JAZF1: variants seen among roughly 807,000 people sequenced by gnomAD.
JAZF1 encodes JAZF zinc finger 1, also known as juxtaposed with another zinc finger protein 1.
A neutral mutation model predicts 26.4 loss-of-function variants in JAZF1; 8 were observed. The ratio of observed to expected loss-of-function variants is 0.30; its 90% CI spans 0.18 to 0.55. The LOEUF is 0.55. Ranked by LOEUF, JAZF1 falls within the 20% of genes least tolerant of loss-of-function variation. The pLI is 0.94. For synonymous variants in JAZF1, 126 were observed against 122.3 expected, an observed-to-expected ratio of 1.03 and a Z score of -0.20; for missense variants, 199 against 322.0, an observed-to-expected ratio of 0.62 and a Z score of 2.92.
At chr7:28,112,397 T>C (rs996808975) in intron 1 of JAZF1, among the ~76,000 whole-genome samples, 1 of 152,338 alleles carries the variant, frequency 6.6e-6, no homozygotes, top group South Asian at 2.1e-4. Flanking sequence ...ATTTTGAATA[T>C]GCAATATTAC....
intron 1 of JAZF1, among the ~76,000 whole-genome samples, chr7:28,015,342 A>G (rs1296550560): frequency 6.6e-6 from 1 of 152,158 alleles, no homozygotes; most frequent in African/African-American, 2.4e-5. Flanking sequence ...TTAGGGGAAA[A>G]CGAAGAAATC....
At chr7:28,090,192 C>T (rs1011960599) in intron 1 of JAZF1, among the ~76,000 whole-genome samples, 2 of 152,208 alleles carry the variant, frequency 1.3e-5, no homozygotes, top group African/African-American at 4.8e-5. Context: ...CCTACCTCAT[C>T]GGACTATAGT....
chr7:28,051,823 A>G (rs1432574414), intron 1 of JAZF1, among the ~76,000 whole-genome samples: 1 of 152,226 alleles, frequency 6.6e-6, no homozygotes, highest in Non-Finnish European at 1.5e-5. Context: ...AACTCAGAGA[A>G]CAGAAATCAC....
intron 1 of JAZF1, among the ~76,000 whole-genome samples, chr7:28,166,675 C>T (rs1026661426): frequency 6.6e-6 from 1 of 152,192 alleles, no homozygotes; most frequent in Non-Finnish European, 1.5e-5. Context: ...ATTTATCAAA[C>T]ATGGAAGTAT....
rs112011020 is a variant in JAZF1, at chr7:27,929,936, T to TTCTCTCTCTCTC, written c.189-34532_189-34521dup. ...TATCCCTTCCTCCATATTTTCTGCA[T>TTCTCTCTCTCTC]TCTCTCTCTCTCTCTCTCTCTCTCC... On this transcript the variant is annotated intron_variant, in intron 2 of 4. Coordinates refer to ENST00000283928, the MANE Select transcript of JAZF1 (RefSeq NM_175061.4). Among the ~76,000 whole-genome samples, 583 of 144,772 alleles carry TTCTCTCTCTCTC rather than the reference T, an allele frequency of 4.0e-3. 2 individuals carry two copies. The highest frequency in any genetic ancestry group is 0.012 in the African/African-American group (458 of 39,306). 95.0% of individuals were successfully genotyped at this position (144,772 alleles called of 152,430 possible). A position where few individuals can be genotyped will look rare whatever the true frequency, so the allele number is the denominator to read the frequency against.
intron 3 of JAZF1, among the ~76,000 whole-genome samples, chr7:27,888,499 T>C (rs185938577): frequency 7.2e-5 from 11 of 152,316 alleles, no homozygotes; most frequent in Middle Eastern, 3.4e-3. Flanking sequence ...CTCAACTCCA[T>C]TCAGATAGAG....
chr7:28,031,129 A>G (rs1023650371), intron 1 of JAZF1, among the ~76,000 whole-genome samples: 10 of 152,202 alleles, frequency 6.6e-5, no homozygotes, highest in Admixed American at 2.0e-4. Flanking sequence ...AAAGACATCT[A>G]TATCTCAGGT....
intron 3 of JAZF1, among the ~76,000 whole-genome samples, chr7:27,889,992 G>A (rs192766187): frequency 4.4e-4 from 67 of 151,828 alleles, no homozygotes; most frequent in East Asian, 7.7e-4. Context: ...GGATTTTCTC[G>A]TGTAACAAGA....
chr7:27,963,952 A>G (rs948330964), intron 2 of JAZF1, among the ~76,000 whole-genome samples: 1 of 152,196 alleles, frequency 6.6e-6, no homozygotes, highest in Admixed American at 6.5e-5. Flanking sequence ...AATTTCTTCA[A>G]TGAAGAATGA....
intron 1 of JAZF1, among the ~76,000 whole-genome samples, chr7:28,057,124 T>C (rs908899160): frequency 4.6e-5 from 7 of 152,198 alleles, no homozygotes; most frequent in Admixed American, 3.9e-4. Context: ...CAGAAATTAC[T>C]GCACATTAAA....
At position 28,151,804 on chromosome 7, in the gene JAZF1, C is replaced by A. The variant is rs746402607; in HGVS notation, c.115+28659G>T. On this transcript the variant is annotated intron_variant, in intron 1 of 4. Coordinates refer to ENST00000283928, the MANE Select transcript of JAZF1 (RefSeq NM_175061.4). ...GAAATTCCATCTCAAAAAAAAAACACAGAGGATAAAATCTTTTAATTTTTA... is the reference window on the plus strand; with the variant it reads ...GAAATTCCATCTCAAAAAAAAAACAAAGAGGATAAAATCTTTTAATTTTTA... Among the ~76,000 whole-genome samples, 551 of 151,726 alleles carry A rather than the reference C, an allele frequency of 3.6e-3. 2 individuals are homozygous for A. The highest frequency in any genetic ancestry group is 6.0e-3 in the Admixed American group (92 of 15,248).
chr7:28,102,278 C>T (rs1583561008), intron 1 of JAZF1, among the ~76,000 whole-genome samples: 1 of 152,350 alleles, frequency 6.6e-6, no homozygotes, highest in South Asian at 2.1e-4. Flanking sequence ...AGGGCATTTG[C>T]TACAAAAGTG....
At chr7:27,906,916 A>G (rs1469547850) in intron 2 of JAZF1, among the ~76,000 whole-genome samples, 2 of 152,222 alleles carry the variant, frequency 1.3e-5, no homozygotes, top group African/African-American at 4.8e-5. Flanking sequence ...TAAAACTACA[A>G]ATAGCTTTTC....
At chr7:28,129,996 AT>A (rs947387650) in intron 1 of JAZF1, among the ~76,000 whole-genome samples, 11 of 151,810 alleles carry the variant, frequency 7.2e-5, no homozygotes, top group African/African-American at 2.7e-4. Context: ...GGAACTACTG[AT>A]TTTTTTTTAA....
intron 1 of JAZF1, among the ~76,000 whole-genome samples, chr7:28,172,416 T>C (rs1396570852): frequency 6.6e-6 from 1 of 152,260 alleles, no homozygotes; most frequent in Non-Finnish European, 1.5e-5. Flanking sequence ...TTAAATATTC[T>C]TTTTATCAAT....
chr7:27,877,969 T>C (rs1190243471), intron 3 of JAZF1, among the ~76,000 whole-genome samples: 2 of 152,190 alleles, frequency 1.3e-5, no homozygotes, highest in Admixed American at 1.3e-4. Flanking sequence ...AAAGAAGCCA[T>C]ATTTTAAAAA....
rs150394657 is a variant in JAZF1, at chr7:28,029,537, A to G, written c.116-37556T>C. ...TATCCTAAACAGATGTATCACAGAT[A>G]AAAATGGCTACAGAACTTGGTAATA... On this transcript the variant is annotated intron_variant, in intron 1 of 4. Transcript: ENST00000283928. 1.5e-3 allele frequency among the ~76,000 whole-genome samples: 227 copies of G among 152,374 alleles called. 3 individuals are homozygous for G. Among genetic ancestry groups the G allele is most frequent in the African/African-American group, 5.3e-3 (220 of 41,594 alleles).
chr7:27,839,087 A>T (rs1782873623), intron 4 of JAZF1, among the ~76,000 whole-genome samples: 1 of 152,258 alleles, frequency 6.6e-6, no homozygotes, highest in South Asian at 2.1e-4. Flanking sequence ...GATGCGAGTA[A>T]GAAAAGGGGA....
At chr7:27,881,465 T>C (rs370896935) in intron 3 of JAZF1, among the ~76,000 whole-genome samples, 71 of 152,356 alleles carry the variant, frequency 4.7e-4, no homozygotes, top group African/African-American at 1.6e-3. Flanking sequence ...TGCTTCCTTT[T>C]AATGGCAGTG....
Sources: gnomAD v4.1 joint callset for allele counts (sites outside exome capture counted in the v4.1 genomes callset) on GRCh38, gnomAD v4.1.1 for gene constraint, MANE v1.5 for transcripts, NCBI Gene and HGNC (gene_info 2026-07-23, HGNC 2026-07-21) for gene names.